The following CHD1 variants were observed in gnomAD, a reference collection of about 807,000 sequenced individuals.
The protein encoded by CHD1 is chromodomain helicase DNA binding protein 1, also known as ATP-dependent chromatin remodeler CHD1.
CHD1 carries 36 observed loss-of-function variants against 224.2 expected under a neutral mutation model. That is an observed-to-expected ratio of 0.16 (90% CI 0.12 to 0.21). The LOEUF (loss-of-function observed/expected upper bound fraction) is 0.21. Ranked by LOEUF, CHD1 falls within the 10% of genes least tolerant of loss-of-function variation. CHD1 has a pLI of 1.00. For synonymous variants in CHD1, 668 were observed against 658.3 expected (o/e 1.01, Z -0.23); for missense variants, 1,378 against 1,994.8 (o/e 0.69, Z 5.89).
chr5:98,855,084 T>C lies in CHD1; in HGVS notation c.*1296A>G, dbSNP rs1747920243. On this transcript the variant is annotated 3_prime_UTR_variant, in exon 36 of 36. Transcript: ENST00000614616. ...TACACATTACAAATATTCAACTGCT[T>C]ACCAAAATACTTTTTCTGGCAGCAA... 1 of 152,264 alleles carries C rather than the reference T, an allele frequency of 6.6e-6. No individual in the cohort carries two copies. 9.4% of individuals were successfully genotyped at this position (152,264 alleles called of 1,614,324 possible). A position where few individuals can be genotyped will look rare whatever the true frequency, so the allele number is the denominator to read the frequency against.
intron 2 of CHD1, among the ~76,000 whole-genome samples, chr5:98,913,198 T>C (rs986950794): frequency 1.3e-5 from 2 of 152,150 alleles, no homozygotes; most frequent in African/African-American, 2.4e-5. Flanking sequence ...TTGCTAGGCA[T>C]GGTGGCTCAC....
chr5:98,909,387 A>T (rs1486440882), intron 2 of CHD1, among the ~76,000 whole-genome samples: 1 of 152,120 alleles, frequency 6.6e-6, no homozygotes, highest in Non-Finnish European at 1.5e-5. Flanking sequence ...GGTGTTGTGG[A>T]CTTCTACCAG....
At chr5:98,874,537 TAAA>T (rs70984332) in intron 25 of CHD1, among the ~76,000 whole-genome samples, 2 of 88,256 alleles carry the variant, frequency 2.3e-5, no homozygotes, top group Non-Finnish European at 4.3e-5. Context: ...CCGTCTCTAC[TAAA>T]AAAAAAAAAA....
At position 98,856,286 on chromosome 5, in the gene CHD1, G is replaced by T; in HGVS notation, c.*94C>A. The stretch of plus-strand genomic sequence containing the variant: ...CAATACTGCTACTGATAGAAGATCT[G>T]TTTATATCTTTCAAGTCATGTAAGG... On this transcript the variant is annotated 3_prime_UTR_variant, in exon 36 of 36. Transcript: ENST00000614616. 3 of 851,062 alleles carry T rather than the reference G, an allele frequency of 3.5e-6. No individual in the cohort carries two copies. The highest frequency in any genetic ancestry group is 5.7e-6 in the Non-Finnish European group (3 of 529,124). The allele number at this position is 851,062 out of a possible 1,614,324, so 52.7% of individuals were successfully genotyped here. A position where few individuals can be genotyped will look rare whatever the true frequency, so the allele number is the denominator to read the frequency against.
chr5:98,893,374 T>G (rs773435736), intron 14 of CHD1, 42 bp downstream of exon 14: 2 of 1,375,812 alleles, frequency 1.5e-6, no homozygotes, highest in Non-Finnish European at 2.0e-6. Context: ...CCACTAAACA[T>G]AATATCCACA....
intron 2 of CHD1, among the ~76,000 whole-genome samples, chr5:98,914,689 C>T (rs1278036998): frequency 1.3e-5 from 2 of 152,136 alleles, no homozygotes; most frequent in South Asian, 4.1e-4. Context: ...CTGGAGAATG[C>T]TTTCTCTCCA....
intron 2 of CHD1, among the ~76,000 whole-genome samples, chr5:98,906,815 A>C (rs1752077674): frequency 6.6e-6 from 1 of 152,238 alleles, no homozygotes; most frequent in Non-Finnish European, 1.5e-5. Context: ...GTAGCAATAA[A>C]GTATCTCCTC....
chr5:98,919,453 C>T (rs1752951005), intron 2 of CHD1, among the ~76,000 whole-genome samples: 1 of 152,098 alleles, frequency 6.6e-6, no homozygotes, highest in Non-Finnish European at 1.5e-5. Flanking sequence ...AGTGTTTTGA[C>T]TAGAAACTTA....
At chr5:98,901,669 C>T (rs1267470653) in intron 5 of CHD1, among the ~76,000 whole-genome samples, 1 of 150,894 alleles carries the variant, frequency 6.6e-6, no homozygotes, top group East Asian at 1.9e-4. Flanking sequence ...TTTTAATCCT[C>T]GAGAGGTTGT....
chr5:98,904,237 C>A (rs927344008), intron 3 of CHD1, among the ~76,000 whole-genome samples: 1 of 152,104 alleles, frequency 6.6e-6, no homozygotes, highest in Non-Finnish European at 1.5e-5. Context: ...TCAGAATATA[C>A]GTCAACGATG....
chr5:98,922,071 G>C lies in CHD1; in HGVS notation c.53+4263C>G, dbSNP rs529649347. 4.2e-4 allele frequency among the ~76,000 whole-genome samples: 64 copies of C among 152,218 alleles called. 1 individual carries two copies. The South Asian group carries it at 0.011, about 26-fold the overall frequency. ...AGGAGGCAGAGGCAGAAAACTGCCA[G>C]AACACAGGAGACGGAGGCTGCAGTG... On this transcript the variant is annotated intron_variant, in intron 2 of 35. Transcript: ENST00000614616.
At position 98,856,363 on chromosome 5, in the gene CHD1, C is replaced by T. The variant is rs374487266; in HGVS notation, c.*17G>A. 2.0e-5 allele frequency: 32 copies of T among 1,585,084 alleles called. No individual in the cohort carries two copies. In the Middle Eastern group the frequency reaches 5.0e-4, roughly 25 times the overall value. ...TGGCTAAAAGAAAAGTCCAGAAAGA[C>T]GAAGTATCAGTTTTTGTTATGTTTT... On this transcript the variant is annotated 3_prime_UTR_variant, in exon 36 of 36. Transcript: ENST00000614616.
chr5:98,889,322 G>A, intron 15 of CHD1, 84 bp from the exon 16 acceptor site: 2 of 959,290 alleles, frequency 2.1e-6, no homozygotes, highest in Non-Finnish European at 3.0e-6. Flanking sequence ...AACAAAAAAA[G>A]CCAACGATAG....
intron 22 of CHD1, 151 bp downstream of exon 22, chr5:98,880,925 C>T: frequency 1.6e-6 from 1 of 620,292 alleles, no homozygotes; most frequent in Non-Finnish European, 2.8e-6. Flanking sequence ...AATCAGTTTG[C>T]TACTGGTTTG....
intron 17 of CHD1, among the ~76,000 whole-genome samples, chr5:98,887,546 T>C (rs557237887): frequency 2.0e-5 from 3 of 152,274 alleles, no homozygotes; most frequent in South Asian, 4.1e-4. Context: ...TGACTTTAAA[T>C]ACTCATCAAT....
In CHD1 at chr5:98,898,424, A is replaced by G. The variant is rs781673734; in HGVS notation, c.1197T>C (p.Asn399=). ...CAGGATAACCAGCTGCTGACTTTTG[A>G]TTGGAATGAGCTGTGAGAGAATCAG... ...QIVERIIAHS[N]QKSAAGYPDY... is the part of the protein sequence containing the mutation. Residue 399 remains asparagine, a synonymous_variant, in exon 10 of 36, where the codon AAT becomes AAC. Transcript: ENST00000614616. 2.7e-5 allele frequency: 42 copies of G among 1,573,342 alleles called. No individual in the cohort carries two copies. Among genetic ancestry groups the G allele is most frequent in the Non-Finnish European group, 3.6e-5 (42 of 1,166,340 alleles).
At chr5:98,874,971 C>T (rs1749644178) in intron 25 of CHD1, 101 bp downstream of exon 25, 2 of 672,076 alleles carry the variant, frequency 3.0e-6, no homozygotes, top group African/African-American at 3.8e-5. Context: ...CGATTAAAAG[C>T]AAATTTAACA....
intron 2 of CHD1, among the ~76,000 whole-genome samples, chr5:98,912,626 G>A (rs1327151369): frequency 6.6e-6 from 1 of 152,022 alleles, no homozygotes; most frequent in Non-Finnish European, 1.5e-5. Flanking sequence ...AGCCAAGATT[G>A]AGCCATGGTA....
intron 35 of CHD1, among the ~76,000 whole-genome samples, chr5:98,857,023 T>C (rs941418485): frequency 6.6e-6 from 1 of 152,186 alleles, no homozygotes; most frequent in Non-Finnish European, 1.5e-5. Context: ...TTTATATGAC[T>C]GCATCTTAAT....
Sources: gnomAD v4.1 joint callset for allele counts (sites outside exome capture counted in the v4.1 genomes callset) on GRCh38, gnomAD v4.1.1 for gene constraint, MANE v1.5 for transcripts, NCBI Gene and HGNC (gene_info 2026-07-23, HGNC 2026-07-21) for gene names.